Variants in AP5M1 observed in about 807,000 individuals in gnomAD.
AP5M1 encodes AP-5 complex subunit mu-1.
Under a neutral mutation model 52.3 loss-of-function variants are expected in AP5M1, and 44 were observed. The ratio of observed to expected loss-of-function variants is 0.84; its 90% CI spans 0.66 to 1.08. The LOEUF (loss-of-function observed/expected upper bound fraction) is 1.08. Ranked by LOEUF, AP5M1 falls within the 50% of genes least tolerant of loss-of-function variation. The probability of loss-of-function intolerance (pLI) is 0.00; values close to 1 mark genes in which losing one functional copy is unlikely to be tolerated. For synonymous variants in AP5M1, 213 were observed against 199.0 expected (o/e 1.07, Z -0.59); for missense variants, 526 against 568.4 (o/e 0.93, Z 0.76).
chr14:57,274,118 A>G (rs966029354), intron 1 of AP5M1, 126 bp from the exon 2 acceptor site: 16 of 1,031,710 alleles, frequency 1.6e-5, no homozygotes, highest in Non-Finnish European at 2.1e-5. Flanking sequence ...ATGTGTGTAT[A>G]TATTTGTTTC....
In AP5M1 at chr14:57,274,734, G is replaced by T; in HGVS notation, c.565G>T (p.Val189Leu). 1 of 1,614,184 alleles carries T rather than the reference G, an allele frequency of 6.2e-7. No homozygotes were observed. The highest frequency in any genetic ancestry group is 8.5e-7 in the Non-Finnish European group (1 of 1,180,032). The change falls in exon 2 of 8, where the codon GTG becomes TTG. Residue 189 changes from valine (V) to leucine (L), a missense_variant. Val to Leu is a conservative substitution (Grantham distance 32, BLOSUM62 1). Transcript: ENST00000261558. ...ATTAGATAATACCAATTTTGCATCT[G>T]TGACTCAGCCACAGAAACAGCCAGC... ...NSLDNTNFAS[V>L]TQPQKQPAWK...
intron 1 of AP5M1, among the ~76,000 whole-genome samples, chr14:57,273,340 G>C (rs935306671): frequency 4.6e-5 from 7 of 151,968 alleles, no homozygotes; most frequent in Non-Finnish European, 1.0e-4. Context: ...TTTGACTGTT[G>C]GTAAAAACTG....
Position 57,297,262 on chromosome 14 carries a change from C to T in AP5M1, c.*8378C>T, listed in dbSNP as rs1217408964. ...TTAAATACAAAAAAACTCCTACATA[C>T]TAACTATATGTTTCTCCCACTGATT... On this transcript the variant is annotated 3_prime_UTR_variant, in exon 8 of 8. Transcript: ENST00000261558. The T allele has an allele frequency of 5.3e-5, 8 of 151,926 alleles. No homozygotes were observed. The highest frequency in any genetic ancestry group is 3.3e-4 in the Admixed American group (5 of 15,194). 9.4% of individuals were successfully genotyped at this position (151,926 alleles called of 1,614,324 possible). A position where few individuals can be genotyped will look rare whatever the true frequency, so the allele number is the denominator to read the frequency against.
Position 57,288,881 on chromosome 14 carries a change from G to A in AP5M1, c.1470G>A (p.Leu490=). The change falls in exon 8 of 8, where the codon TTG becomes TTA. Residue 490 remains leucine, a synonymous_variant. Coordinates refer to ENST00000261558, the MANE Select transcript of AP5M1 (RefSeq NM_018229.4). ...CAGTAACATATGGATCATTATTATT[G>A]TAATAGTCTCATGTTTAAATGGGAT... ...PAPVTYGSLL[L] is the part of the protein sequence containing the mutation. 6.6e-7 allele frequency: 1 copy of A among 1,504,594 alleles called. No homozygotes were observed. The highest frequency in any genetic ancestry group is 9.2e-7 in the Non-Finnish European group (1 of 1,089,146). 93.2% of individuals were successfully genotyped at this position (1,504,594 alleles called of 1,614,324 possible).
rs1460846219 is a variant in AP5M1 at position 57,289,100 on chromosome 14, A to G, written c.*216A>G. The G allele has an allele frequency of 3.0e-6, 1 of 338,788 alleles. No individual in the cohort carries two copies. The highest frequency in any genetic ancestry group is 5.4e-6 in the Non-Finnish European group (1 of 186,080). 21.0% of individuals were successfully genotyped at this position (338,788 alleles called of 1,614,324 possible). On this transcript the variant is annotated 3_prime_UTR_variant, in exon 8 of 8. Coordinates refer to ENST00000261558, the MANE Select transcript of AP5M1 (RefSeq NM_018229.4). ...TTTTGTTAACCTTCGATTTTATGCCAGTATAATTCAGAACATAGAAAAGTA... is the reference window on the plus strand; with the variant it reads ...TTTTGTTAACCTTCGATTTTATGCCGGTATAATTCAGAACATAGAAAAGTA...
At chr14:57,273,292 A>G (rs8010471) in intron 1 of AP5M1, among the ~76,000 whole-genome samples, 8 of 152,294 alleles carry the variant, frequency 5.3e-5, no homozygotes, top group African/African-American at 1.7e-4. Context: ...GTAAACATCA[A>G]TATTTTTTAA....
At chr14:57,272,708 G>A (rs1884923891) in intron 1 of AP5M1, among the ~76,000 whole-genome samples, 1 of 152,096 alleles carries the variant, frequency 6.6e-6, no homozygotes, top group African/African-American at 2.4e-5. Context: ...TTGGACTAGA[G>A]TTTAGTCCAG....
intron 1 of AP5M1, chr14:57,273,748 A>G: frequency 1.4e-6 from 1 of 701,956 alleles, no homozygotes; most frequent in Non-Finnish European, 2.6e-6. Flanking sequence ...CATTCACTAT[A>G]AGTTAAGTAG....
chr14:57,289,116 T>C lies in AP5M1; in HGVS notation c.*232T>C, dbSNP rs978471642. The C allele has an allele frequency of 6.8e-6, 2 of 296,174 alleles. No homozygotes were observed. The highest frequency in any genetic ancestry group is 1.2e-5 in the Non-Finnish European group (2 of 160,070). 18.3% of individuals were successfully genotyped at this position (296,174 alleles called of 1,614,324 possible). On this transcript the variant is annotated 3_prime_UTR_variant, in exon 8 of 8. Coordinates refer to ENST00000261558, the MANE Select transcript of AP5M1 (RefSeq NM_018229.4). ...TTTTATGCCAGTATAATTCAGAACA[T>C]AGAAAAGTAATGATTCACTTGGGCT...
rs1885371778 is a variant in AP5M1 at position 57,288,836 on chromosome 14, G to GA, written c.1427dup (p.Asn476LysfsTer3). Reference sequence around the variant, plus strand: ...TAATTTCTTCTGATTATTACATCTGGAATTCTAAAGCCCCTGCTCCAGTAA... The same window carrying GA: ...TAATTTCTTCTGATTATTACATCTGGAAATTCTAAAGCCCCTGCTCCAGTAA... On this transcript the variant is annotated frameshift_variant, in exon 8 of 8. Coordinates refer to ENST00000261558, the MANE Select transcript of AP5M1 (RefSeq NM_018229.4). LOFTEE classifies it high-confidence loss of function. The GA allele has an allele frequency of 6.3e-7, 1 of 1,587,902 alleles. No individual in the cohort carries two copies. The highest frequency in any genetic ancestry group is 8.6e-7 in the Non-Finnish European group (1 of 1,159,560).
In AP5M1 at chr14:57,294,771, T is replaced by C. The variant is rs545515129; in HGVS notation, c.*5887T>C. On this transcript the variant is annotated 3_prime_UTR_variant, in exon 8 of 8. Transcript: ENST00000261558. ...GTTATTGCAGATGTAGGGAATAGCT[T>C]GTTTCCCATTATGTTTCTAGAATAT... The C allele has an allele frequency of 6.6e-6, 1 of 151,988 alleles. No individual in the cohort carries two copies. The highest frequency in any genetic ancestry group is 2.1e-4 in the South Asian group (1 of 4,830). 9.4% of individuals were successfully genotyped at this position (151,988 alleles called of 1,614,324 possible).
intron 1 of AP5M1, chr14:57,271,037 G>T (rs1884885225): frequency 6.6e-6 from 1 of 152,188 alleles, no homozygotes; most frequent in African/African-American, 2.4e-5. Context: ...CATAACTGAG[G>T]AACTCAATTG....
chr14:57,277,501 G>A lies in AP5M1; in HGVS notation c.720+2612G>A, dbSNP rs559236696. Among the ~76,000 whole-genome samples, 323 of 152,116 alleles carry A rather than the reference G, an allele frequency of 2.1e-3. 2 individuals are homozygous for A. Among genetic ancestry groups the A allele is most frequent in the African/African-American group, 7.1e-3 (294 of 41,486 alleles). ...GAAAATAGCAGATGGTTTAAAAGTTGAAACCCTAAAATTTTTTTTAAGTTT... is the reference window on the plus strand; with the variant it reads ...GAAAATAGCAGATGGTTTAAAAGTTAAAACCCTAAAATTTTTTTTAAGTTT... On this transcript the variant is annotated intron_variant, in intron 2 of 7. Transcript: ENST00000261558.
At chr14:57,270,965 G>C (rs1468715730) in intron 1 of AP5M1, among the ~76,000 whole-genome samples, 5 of 152,190 alleles carry the variant, frequency 3.3e-5, no homozygotes, top group Admixed American at 3.3e-4. Context: ...TTCTTAATCT[G>C]TACTGGCTAA....
At chr14:57,282,525 C>G (rs1885208567) in intron 4 of AP5M1, among the ~76,000 whole-genome samples, 1 of 152,104 alleles carries the variant, frequency 6.6e-6, no homozygotes, top group African/African-American at 2.4e-5. Flanking sequence ...ACAAGTCAAA[C>G]CAAACTATCA....
intron 1 of AP5M1, among the ~76,000 whole-genome samples, chr14:57,272,546 G>T (rs895179472): frequency 2.4e-4 from 36 of 152,134 alleles, no homozygotes; most frequent in African/African-American, 8.4e-4. Flanking sequence ...TAATAAATTA[G>T]AAATGATAGG....
In AP5M1 at chr14:57,270,539, A is replaced by C. The variant is rs531270296; in HGVS notation, c.74+1151A>C. ...GCAACCTTAACAGTTTTTGTTCCTG[A>C]GGGCATCAGAGTTGGAGTTTACCAT... On this transcript the variant is annotated intron_variant, in intron 1 of 7. Coordinates refer to ENST00000261558, the MANE Select transcript of AP5M1 (RefSeq NM_018229.4). Among the ~76,000 whole-genome samples the C allele has an allele frequency of 3.9e-5, 6 of 152,300 alleles. No homozygotes were observed. The East Asian group carries it at 1.2e-3, about 29-fold the overall frequency.
At chr14:57,283,392 G>T in intron 6 of AP5M1, 162 bp downstream of exon 6, 1 of 557,636 alleles carries the variant, frequency 1.8e-6, no homozygotes, top group East Asian at 3.0e-5. Context: ...TTTTGTTGTT[G>T]TTTAGTATTA....
rs756652794 is a variant in AP5M1 at position 57,291,906 on chromosome 14, C to T, written c.*3022C>T. The T allele has an allele frequency of 6.6e-6, 1 of 151,714 alleles. No homozygotes were observed. Among genetic ancestry groups the T allele is most frequent in the Non-Finnish European group, 1.5e-5 (1 of 67,790 alleles). The allele number at this position is 151,714 out of a possible 1,614,324, so 9.4% of individuals were successfully genotyped here. Reference sequence around the variant, plus strand: ...CCTTCTGTAGGGACTGCTGCCACAACAGAGTGGTTGTTCCTAAGACAAAGG... The same window carrying T: ...CCTTCTGTAGGGACTGCTGCCACAATAGAGTGGTTGTTCCTAAGACAAAGG... On this transcript the variant is annotated 3_prime_UTR_variant, in exon 8 of 8. Coordinates refer to ENST00000261558, the MANE Select transcript of AP5M1 (RefSeq NM_018229.4).
Sources: allele counts gnomAD v4.1 joint callset (sites outside exome capture counted in the v4.1 genomes callset), GRCh38; gene constraint gnomAD v4.1.1; transcripts MANE v1.5; gene names NCBI Gene and HGNC (gene_info 2026-07-23, HGNC 2026-07-21).